Variants in PLCG2 observed in about 807,000 individuals in gnomAD.
PLCG2 encodes the protein 1-phosphatidylinositol 4,5-bisphosphate phosphodiesterase gamma-2.
Under a neutral mutation model 175.6 loss-of-function variants are expected in PLCG2, and 69 were observed. That is an observed-to-expected ratio of 0.39 (90% CI 0.32 to 0.48). PLCG2 has a LOEUF of 0.48. PLCG2 is among the 20% of genes least tolerant of loss of function. PLCG2 has a pLI of 0.91. For synonymous variants in PLCG2, 827 were observed against 624.0 expected, an observed-to-expected ratio of 1.33 and a Z score of -4.85; for missense variants, 1,798 against 1,650.9, an observed-to-expected ratio of 1.09 and a Z score of -1.54.
At chr16:81,850,858 G>T (rs960110663) in intron 2 of PLCG2, among the ~76,000 whole-genome samples, 1 of 152,170 alleles carries the variant, frequency 6.6e-6, no homozygotes, top group African/African-American at 2.4e-5. Flanking sequence ...CAGATCTCCT[G>T]CACATGCGGG....
intron 2 of PLCG2, among the ~76,000 whole-genome samples, chr16:81,767,141 T>TTG (rs1910168200): frequency 7.8e-6 from 1 of 128,246 alleles, no homozygotes; most frequent in African/African-American, 2.8e-5. Context: ...TCGTGGTTTT[T>TTG]TTTTTTTTTT....
intron 2 of PLCG2, among the ~76,000 whole-genome samples, chr16:81,845,794 C>T (rs531727029): frequency 4.0e-4 from 61 of 152,278 alleles, no homozygotes; most frequent in Middle Eastern, 3.4e-3. Flanking sequence ...AAATGCCCAC[C>T]GACCCCCTCA....
chr16:81,863,912 G>A (rs973975050), intron 5 of PLCG2, among the ~76,000 whole-genome samples: 5 of 152,172 alleles, frequency 3.3e-5, no homozygotes, highest in African/African-American at 7.2e-5. Context: ...CTCATTCAGC[G>A]TGAATGCAAA....
intron 21 of PLCG2, 126 bp downstream of exon 21, chr16:81,921,395 T>C: frequency 2.8e-6 from 2 of 714,596 alleles, no homozygotes; most frequent in South Asian, 1.5e-5. Context: ...AAAATAATTT[T>C]TTTTTTTTTT....
intron 2 of PLCG2, among the ~76,000 whole-genome samples, chr16:81,763,194 C>T (rs1217522263): frequency 6.6e-6 from 1 of 152,226 alleles, no homozygotes; most frequent in Non-Finnish European, 1.5e-5. Flanking sequence ...TGGGAGAACC[C>T]AGCCTCTCCT....
At chr16:81,851,103 A>G (rs1318278707) in intron 2 of PLCG2, among the ~76,000 whole-genome samples, 2 of 151,968 alleles carry the variant, frequency 1.3e-5, no homozygotes, top group Non-Finnish European at 2.9e-5. Context: ...CTAATACTCT[A>G]CCCCACAAGG....
At chr16:81,883,064 G>A (rs759725875) in intron 8 of PLCG2, among the ~76,000 whole-genome samples, 1 of 152,128 alleles carries the variant, frequency 6.6e-6, no homozygotes, top group Non-Finnish European at 1.5e-5. Context: ...TTGAGATTCC[G>A]ATGTCAGGGT....
chr16:81,861,739 C>T (rs913494211), intron 5 of PLCG2, among the ~76,000 whole-genome samples: 1 of 152,180 alleles, frequency 6.6e-6, no homozygotes, highest in African/African-American at 2.4e-5. Context: ...GAGAGGGAGC[C>T]ACCCTCAGTG....
rs759565273 is a variant in PLCG2 at position 81,936,323 on chromosome 16, C to T, written c.2997C>T (p.Pro999=). The T allele has an allele frequency of 4.3e-6, 7 of 1,614,104 alleles. No homozygotes were observed. Among genetic ancestry groups the T allele is most frequent in the Admixed American group, 1.7e-5 (1 of 60,014 alleles). ...GQRVDSSNYD[P]FRLWLCGSQM... ...GAGTTGACTCTTCAAACTACGACCC[C>T]TTCCGCCTCTGGCTGTGCGGTTCTC... Residue 999 remains proline (P), a synonymous_variant, in exon 27 of 33, where the codon CCC becomes CCT. Coordinates refer to ENST00000564138, the MANE Select transcript of PLCG2 (RefSeq NM_002661.5).
intron 22 of PLCG2, among the ~76,000 whole-genome samples, chr16:81,926,595 A>G (rs8063604): frequency 0.69 from 105,145 of 152,084 alleles, 36,909 homozygotes; most frequent in East Asian, 0.81. Flanking sequence ...GCTTATGTTA[A>G]TTTAGAGTCC....
chr16:81,877,747 A>T (rs898821309), intron 7 of PLCG2, among the ~76,000 whole-genome samples: 2 of 152,088 alleles, frequency 1.3e-5, no homozygotes, highest in Admixed American at 1.3e-4. Context: ...TGTAGGCGTC[A>T]TCGCTTCTTG....
intron 18 of PLCG2, 66 bp downstream of exon 18, chr16:81,910,786 T>C: frequency 6.9e-7 from 1 of 1,456,196 alleles, no homozygotes. Context: ...GCAGAGAAGC[T>C]GGCCTGGTGG....
intron 5 of PLCG2, among the ~76,000 whole-genome samples, chr16:81,868,798 C>T (rs1450280589): frequency 6.6e-6 from 1 of 152,268 alleles, no homozygotes; most frequent in African/African-American, 2.4e-5. Flanking sequence ...GACCTTCCTC[C>T]ATGACCATTC....
intron 1 of PLCG2, among the ~76,000 whole-genome samples, chr16:81,749,171 G>C (rs941207843): frequency 8.5e-5 from 13 of 152,056 alleles, no homozygotes; most frequent in African/African-American, 3.1e-4. Flanking sequence ...TGGTTGGGTG[G>C]TTTATTTGGG....
At chr16:81,781,288 A>G (rs868373305) in intron 1 of PLCG2, among the ~76,000 whole-genome samples, 19 of 152,128 alleles carry the variant, frequency 1.2e-4, no homozygotes, top group African/African-American at 4.3e-4. Flanking sequence ...GACCTCACAA[A>G]TCTTTCCAGA....
chr16:81,879,310 C>A (rs1285003709), intron 7 of PLCG2, among the ~76,000 whole-genome samples: 1 of 152,090 alleles, frequency 6.6e-6, no homozygotes, highest in Non-Finnish European at 1.5e-5. Context: ...TAGCAACATG[C>A]CCTGTCTAAA....
At chr16:81,917,574 C>G (rs1376204913) in intron 19 of PLCG2, among the ~76,000 whole-genome samples, 1 of 152,180 alleles carries the variant, frequency 6.6e-6, no homozygotes, top group East Asian at 1.9e-4. Context: ...AGCTAATAGC[C>G]ATTCTAACAG....
Position 81,893,011 on chromosome 16 carries a change from T to A in PLCG2, c.987-698T>A, listed in dbSNP as rs879273786. ...GGGCACGAGCCACCATGCCCTGTTT[T>A]GTTTTGTTTTGTTTTGTTTTTGTAT... On this transcript the variant is annotated intron_variant, in intron 11 of 32. Transcript: ENST00000564138. Among the ~76,000 whole-genome samples the A allele has an allele frequency of 5.8e-3, 875 of 152,018 alleles. 7 individuals are homozygous for A. The highest frequency in any genetic ancestry group is 7.3e-3 in the Non-Finnish European group (495 of 67,978).
chr16:81,882,645 T>A (rs11864533), intron 8 of PLCG2, among the ~76,000 whole-genome samples: 61,550 of 151,558 alleles, frequency 0.41, 12,620 homozygotes, highest in Admixed American at 0.47. Context: ...CTACTCCTCT[T>A]TCTTTCCTCC....
Sources: allele counts gnomAD v4.1 joint callset (sites outside exome capture counted in the v4.1 genomes callset), GRCh38; gene constraint gnomAD v4.1.1; transcripts MANE v1.5; gene names NCBI Gene and HGNC (gene_info 2026-07-23, HGNC 2026-07-21).